The following C1QTNF1 variants were observed in gnomAD, a reference collection of about 807,000 sequenced individuals.
The protein encoded by C1QTNF1 is complement C1q tumor necrosis factor-related protein 1.
Under a neutral mutation model 27.8 loss-of-function variants are expected in C1QTNF1, and 22 were observed. The ratio of observed to expected loss-of-function variants is 0.79; its 90% confidence interval spans 0.56 to 1.13. The LOEUF (loss-of-function observed/expected upper bound fraction) is 1.13. Ranked by LOEUF, C1QTNF1 falls within the 50% of genes most tolerant of loss-of-function variation. The pLI, the probability that C1QTNF1 is intolerant of heterozygous loss-of-function variation, is 0.00. For missense variants in C1QTNF1, 373 were observed against 380.2 expected (o/e 0.98, Z 0.16); for synonymous variants, 166 against 154.3 (o/e 1.08, Z -0.56).
At position 79,046,822 on chromosome 17, in the gene C1QTNF1, C is replaced by G; in HGVS notation, c.295+128C>G. ...GCTCCCTCGGGACAGGGAGCAGAGG[C>G]AGGCAGGCTGTCATCTAGAGGGGAA... On this transcript the variant is annotated intron_variant, in intron 3 of 3. Coordinates refer to ENST00000579760, the MANE Select transcript of C1QTNF1 (RefSeq NM_030968.5). The surrounding 1 kb of genome is among the most constrained non-coding windows in gnomAD (Gnocchi z 4.8). 3.2e-6 allele frequency: 4 copies of G among 1,248,974 alleles called. No homozygotes were observed. In the South Asian group the frequency reaches 5.8e-5, roughly 18 times the overall value. 77.4% of individuals were successfully genotyped at this position (1,248,974 alleles called of 1,614,324 possible).
chr17:79,048,324 G>A lies in C1QTNF1; in HGVS notation c.*236G>A, dbSNP rs2072659073. 5 of 511,946 alleles carry A rather than the reference G, an allele frequency of 9.8e-6. No individual in the cohort carries two copies. The East Asian group carries it at 1.3e-4, about 13-fold the overall frequency. The allele number at this position is 511,946 out of a possible 1,614,324, so 31.7% of individuals were successfully genotyped here. ...CCGCGAGAACCCTCTGGGACCTTCC[G>A]CGGCCCTCTCTGCACACATCCTCAA... is the stretch of plus-strand genomic sequence containing the variant. On this transcript the variant is annotated 3_prime_UTR_variant, in exon 4 of 4. Coordinates refer to ENST00000579760, the MANE Select transcript of C1QTNF1 (RefSeq NM_030968.5).
Position 79,048,244 on chromosome 17 carries a change from A to C in C1QTNF1, c.*156A>C, listed in dbSNP as rs951749832. 81 of 759,598 alleles carry C rather than the reference A, an allele frequency of 1.1e-4. No homozygotes were observed. The highest frequency in any genetic ancestry group is 1.5e-4 in the Non-Finnish European group (73 of 493,642). The allele number at this position is 759,598 out of a possible 1,614,324, so 47.1% of individuals were successfully genotyped here. On this transcript the variant is annotated 3_prime_UTR_variant, in exon 4 of 4. Coordinates refer to ENST00000579760, the MANE Select transcript of C1QTNF1 (RefSeq NM_030968.5). ...AAGCCAAAGCGATCGGTGCTCCCAGATCCCGCAGCCTCTGGAGAGAGCTGA... is the reference window on the plus strand; with the variant it reads ...AAGCCAAAGCGATCGGTGCTCCCAGCTCCCGCAGCCTCTGGAGAGAGCTGA...
intron 1 of C1QTNF1, among the ~76,000 whole-genome samples, chr17:79,032,893 C>G (rs1477553382): frequency 6.6e-6 from 1 of 151,912 alleles, no homozygotes; most frequent in Non-Finnish European, 1.5e-5. Flanking sequence ...CATGGCAAAA[C>G]CCCATCTCTA....
intron 1 of C1QTNF1, among the ~76,000 whole-genome samples, chr17:79,039,493 AAAT>A (rs1255245723): frequency 6.6e-6 from 1 of 152,190 alleles, no homozygotes; most frequent in African/African-American, 2.4e-5. Context: ...TCTCTACTAA[AAAT>A]ACAAAAATTA....
chr17:79,031,565 G>C (rs1443309276), intron 1 of C1QTNF1, among the ~76,000 whole-genome samples: 1 of 152,162 alleles, frequency 6.6e-6, no homozygotes, highest in Non-Finnish European at 1.5e-5. Context: ...TCCTGCCTCA[G>C]CCTCCCGAGT....
chr17:79,042,969 G>A (rs895389867), intron 1 of C1QTNF1, among the ~76,000 whole-genome samples: 2 of 152,080 alleles, frequency 1.3e-5, no homozygotes, highest in African/African-American at 2.4e-5. Flanking sequence ...ATGTGTGCAC[G>A]TGTGTTGAAA....
intron 1 of C1QTNF1, among the ~76,000 whole-genome samples, chr17:79,040,725 C>G (rs529712286): frequency 1.8e-5 from 2 of 108,626 alleles, no homozygotes; most frequent in Non-Finnish European, 3.5e-5. Flanking sequence ...GAAAATTTGT[C>G]TCTACAAAAA....
At chr17:79,037,215 C>T (rs1226192418) in intron 1 of C1QTNF1, among the ~76,000 whole-genome samples, 5 of 152,076 alleles carry the variant, frequency 3.3e-5, no homozygotes, top group Admixed American at 6.6e-5. Flanking sequence ...GCACAACCTC[C>T]GACTCCCTGG....
At chr17:79,028,743 T>A (rs1253160869) in intron 1 of C1QTNF1, among the ~76,000 whole-genome samples, 3 of 152,056 alleles carry the variant, frequency 2.0e-5, no homozygotes, top group African/African-American at 7.2e-5. Context: ...GAGAGAAAAA[T>A]CATCTGTACC....
At chr17:79,045,002 G>C (rs1479689477) in intron 2 of C1QTNF1, among the ~76,000 whole-genome samples, 1 of 152,082 alleles carries the variant, frequency 6.6e-6, no homozygotes, top group Non-Finnish European at 1.5e-5. Context: ...CACAGTCCTG[G>C]CCTCCAGGAG....
intron 1 of C1QTNF1, among the ~76,000 whole-genome samples, chr17:79,042,451 C>T (rs948321668): frequency 7.2e-5 from 11 of 152,230 alleles, no homozygotes; most frequent in African/African-American, 2.7e-4. Flanking sequence ...GGGAGTGAGA[C>T]GTGGGGTTGG....
At chr17:79,037,092 ATTTG>A (rs772409601) in intron 1 of C1QTNF1, among the ~76,000 whole-genome samples, 4 of 151,998 alleles carry the variant, frequency 2.6e-5, no homozygotes, top group Admixed American at 6.6e-5. Flanking sequence ...GGACCCACTT[ATTTG>A]TTTATTTATT....
At chr17:79,036,218 AG>A (rs2072261437) in intron 1 of C1QTNF1, among the ~76,000 whole-genome samples, 1 of 152,226 alleles carries the variant, frequency 6.6e-6, no homozygotes, top group East Asian at 1.9e-4. Flanking sequence ...CCTGTTGCCC[AG>A]GCTAGGGCGC....
Position 79,048,191 on chromosome 17 carries a change from A to C in C1QTNF1, c.*103A>C. 9.2e-7 allele frequency: 1 copy of C among 1,086,216 alleles called. No individual in the cohort carries two copies. The highest frequency in any genetic ancestry group is 1.8e-5 in the South Asian group (1 of 56,412). The allele number at this position is 1,086,216 out of a possible 1,614,324, so 67.3% of individuals were successfully genotyped here. A position where few individuals can be genotyped will look rare whatever the true frequency, so the allele number is the denominator to read the frequency against. ...TGGACTCCGACTCCCTGGCTTTGGC[A>C]TTCAGTGAGACGCCCTGCACACACA... is the stretch of plus-strand genomic sequence containing the variant. On this transcript the variant is annotated 3_prime_UTR_variant, in exon 4 of 4. Transcript: ENST00000579760.
At chr17:79,023,300 T>G (rs1049839534), upstream of C1QTNF1, among the ~76,000 whole-genome samples, 2 of 152,154 alleles carry the variant, frequency 1.3e-5, no homozygotes, top group Non-Finnish European at 2.9e-5. Flanking sequence ...AGAGCTGGCT[T>G]CTGCTTCTCT....
intron 1 of C1QTNF1, among the ~76,000 whole-genome samples, chr17:79,038,013 G>A (rs2072305692): frequency 6.7e-6 from 1 of 148,638 alleles, no homozygotes; most frequent in Admixed American, 6.7e-5. Context: ...TTTTTGAGAC[G>A]GAGTCTCACT....
At chr17:79,043,373 T>C (rs1366567546) in intron 1 of C1QTNF1, 2 of 453,162 alleles carry the variant, frequency 4.4e-6, no homozygotes, top group South Asian at 1.6e-5. Context: ...TGCATGTGTG[T>C]GGACTGTGTA....
chr17:79,047,789 G>A lies in C1QTNF1; in HGVS notation c.547G>A (p.Gly183Ser), dbSNP rs1242846421. ...CTACGACCACTTCAACATGTTCACC[G>A]GCAAGTTCTACTGCTACGTGCCCGG... ...NLYDHFNMFT[G>S]KFYCYVPGLY... Residue 183 changes from glycine (G) to serine (S), a missense_variant, in exon 4 of 4, where the codon GGC becomes AGC. Gly to Ser is a moderately conservative substitution (Grantham distance 56). Transcript: ENST00000579760. 3 of 1,614,030 alleles carry A rather than the reference G, an allele frequency of 1.9e-6. No individual in the cohort carries two copies. The highest frequency in any genetic ancestry group is 2.7e-5 in the African/African-American group (2 of 74,900).
intron 1 of C1QTNF1, chr17:79,043,539 ATTG>A (rs753579035): frequency 3.2e-4 from 141 of 436,656 alleles, no homozygotes; most frequent in African/African-American, 2.3e-3. Flanking sequence ...TGTAGGTTTC[ATTG>A]TTGAGACTGT....
Sources: gnomAD v4.1 joint callset for allele counts (sites outside exome capture counted in the v4.1 genomes callset) on GRCh38, gnomAD v4.1.1 for gene constraint, Gnocchi (gnomAD v3.1) non-coding constraint, MANE v1.5 for transcripts, NCBI Gene and HGNC (gene_info 2026-07-23, HGNC 2026-07-21) for gene names.